GRID1: variants seen among roughly 807,000 people sequenced by gnomAD.
GRID1 encodes the protein glutamate receptor ionotropic, delta-1.
GRID1 carries 28 observed loss-of-function variants against 98.0 expected under a neutral mutation model. The observed-to-expected ratio is 0.29, with a 90% CI of 0.21 to 0.39. The LOEUF is 0.39. Among genes scored for constraint, GRID1 ranks in the 10% least tolerant of loss-of-function variants. GRID1 has a pLI of 1.00. For synonymous variants in GRID1, 553 were observed against 538.5 expected, an observed-to-expected ratio of 1.03 and a Z score of -0.37; for missense variants, 1,111 against 1,340.5, an observed-to-expected ratio of 0.83 and a Z score of 2.67.
intron 12 of GRID1, among the ~76,000 whole-genome samples, chr10:85,658,555 T>C (rs751341596): frequency 7.2e-5 from 11 of 152,168 alleles, no homozygotes; most frequent in Non-Finnish European, 1.2e-4. Flanking sequence ...TATGGTGATA[T>C]TAAGTAGCTC....
chr10:85,918,651 A>G (rs1401236371), intron 4 of GRID1, among the ~76,000 whole-genome samples: 1 of 152,242 alleles, frequency 6.6e-6, no homozygotes, highest in Non-Finnish European at 1.5e-5. Flanking sequence ...GAATTGCTCT[A>G]TGCATCCTCT....
In GRID1 at chr10:85,867,346, G is replaced by A. The variant is rs1843231246; in HGVS notation, c.951+1664C>T. Reference sequence around the variant, plus strand: ...GATTTAGGGCATATGAGGCAAGGGTGCCATGTATTTGGGGAGGGAGGAAGC... The same window carrying A: ...GATTTAGGGCATATGAGGCAAGGGTACCATGTATTTGGGGAGGGAGGAAGC... On this transcript the variant is annotated intron_variant, in intron 6 of 15. Transcript: ENST00000327946. Among the ~76,000 whole-genome samples the A allele has an allele frequency of 2.6e-5, 4 of 152,202 alleles. No individual in the cohort carries two copies. The South Asian group carries it at 8.3e-4, about 32-fold the overall frequency.
intron 2 of GRID1, among the ~76,000 whole-genome samples, chr10:86,278,699 C>G (rs1451309678): frequency 6.6e-6 from 1 of 151,524 alleles, no homozygotes; most frequent in Non-Finnish European, 1.5e-5. Context: ...TTGAAAGACA[C>G]AAACTACTAA....
At chr10:86,061,476 G>A (rs944698130) in intron 4 of GRID1, among the ~76,000 whole-genome samples, 4 of 152,062 alleles carry the variant, frequency 2.6e-5, no homozygotes, top group African/African-American at 9.7e-5. Flanking sequence ...CGTCTGGCTC[G>A]CCCTCTCCAA....
At chr10:86,123,761 T>A (rs1162820118) in intron 4 of GRID1, among the ~76,000 whole-genome samples, 2 of 152,210 alleles carry the variant, frequency 1.3e-5, no homozygotes, top group Non-Finnish European at 2.9e-5. Context: ...GGAGAGTCCT[T>A]GGAGCAGCAA....
At chr10:86,141,185 G>C (rs77052422) in intron 3 of GRID1, among the ~76,000 whole-genome samples, 4,694 of 152,180 alleles carry the variant, frequency 0.031, 112 homozygotes, top group Non-Finnish European at 0.048. Context: ...AGGACAATAT[G>C]GTGCCTTACA....
intron 2 of GRID1, among the ~76,000 whole-genome samples, chr10:86,248,187 T>C (rs1350688041): frequency 6.6e-6 from 1 of 152,194 alleles, no homozygotes; most frequent in African/African-American, 2.4e-5. Flanking sequence ...TGGCTTCAGA[T>C]GGCAAAGGCA....
intron 8 of GRID1, among the ~76,000 whole-genome samples, chr10:85,809,594 G>C (rs1241582984): frequency 6.6e-6 from 1 of 152,210 alleles, no homozygotes; most frequent in Non-Finnish European, 1.5e-5. Flanking sequence ...TGGGTAATTA[G>C]AAAGACCTGC....
At chr10:85,943,663 A>G (rs1432729291) in intron 4 of GRID1, among the ~76,000 whole-genome samples, 1 of 152,214 alleles carries the variant, frequency 6.6e-6, no homozygotes, top group African/African-American at 2.4e-5. Flanking sequence ...GTTCAAACTC[A>G]TGCTGTTCAA....
chr10:85,821,767 C>T (rs996016829), intron 8 of GRID1, among the ~76,000 whole-genome samples: 4 of 152,152 alleles, frequency 2.6e-5, no homozygotes, highest in South Asian at 4.1e-4. Context: ...GGAGGCATCA[C>T]GCTACCTGAC....
intron 12 of GRID1, among the ~76,000 whole-genome samples, chr10:85,680,248 C>A (rs556822017): frequency 6.6e-6 from 1 of 152,302 alleles, no homozygotes; most frequent in South Asian, 2.1e-4. Flanking sequence ...CACCTCCCAC[C>A]AGTGTCCAAC....
At chr10:85,649,924 A>C (rs1273566817) in intron 12 of GRID1, 1 of 152,248 alleles carries the variant, frequency 6.6e-6, no homozygotes, top group East Asian at 1.9e-4. Context: ...AATAGCCACA[A>C]ATTTGTGCAG....
chr10:85,886,139 G>A (rs968651137), intron 5 of GRID1, among the ~76,000 whole-genome samples: 2 of 152,216 alleles, frequency 1.3e-5, no homozygotes, highest in African/African-American at 4.8e-5. Flanking sequence ...ACTTCTGGTT[G>A]TTGAGACATA....
At chr10:85,936,108 G>A (rs1481204320) in intron 4 of GRID1, among the ~76,000 whole-genome samples, 1 of 152,210 alleles carries the variant, frequency 6.6e-6, no homozygotes, top group Non-Finnish European at 1.5e-5. Context: ...GATATTATGG[G>A]ACCACATATT....
At chr10:85,651,604 C>T (rs2132557848) in intron 12 of GRID1, among the ~76,000 whole-genome samples, 1 of 152,316 alleles carries the variant, frequency 6.6e-6, no homozygotes, top group South Asian at 2.1e-4. Flanking sequence ...GACACCAAAA[C>T]TCCTCTGGCA....
intron 2 of GRID1, among the ~76,000 whole-genome samples, chr10:86,283,103 C>T (rs1020471459): frequency 2.6e-5 from 4 of 152,218 alleles, no homozygotes; most frequent in African/African-American, 9.7e-5. Flanking sequence ...CATGTGCCCT[C>T]ATGGCCTGGA....
chr10:86,206,353 G>A lies in GRID1; in HGVS notation c.520+11C>T, dbSNP rs373919198. 1.5e-4 allele frequency: 245 copies of A among 1,581,372 alleles called. No homozygotes were observed. The highest frequency in any genetic ancestry group is 1.9e-4 in the Non-Finnish European group (219 of 1,160,006). The stretch of plus-strand genomic sequence containing the variant: ...CCCAAGCAGCCCCAGCTCGCCTGCC[G>A]GACAACTCACCATACTCGCTGTCGT... On this transcript the variant is annotated intron_variant, in intron 3 of 15. Coordinates refer to ENST00000327946, the MANE Select transcript of GRID1 (RefSeq NM_017551.3). This position sits in a 1 kb window ranked among gnomAD's most constrained non-coding sequence, Gnocchi z 4.1.
At chr10:85,649,941 C>G (rs944182844) in intron 12 of GRID1, 2 of 152,322 alleles carry the variant, frequency 1.3e-5, no homozygotes, top group Non-Finnish European at 1.5e-5. Context: ...GCAGAGGAAT[C>G]TCTCCCATCT....
chr10:85,671,485 T>G (rs535028966), intron 12 of GRID1, among the ~76,000 whole-genome samples: 1 of 152,194 alleles, frequency 6.6e-6, no homozygotes, highest in Admixed American at 6.5e-5. Flanking sequence ...TATAAGATGG[T>G]GAAGTTCATC....
Sources: gnomAD v4.1 joint callset for allele counts (sites outside exome capture counted in the v4.1 genomes callset) on GRCh38, gnomAD v4.1.1 for gene constraint, Gnocchi (gnomAD v3.1) non-coding constraint, MANE v1.5 for transcripts, NCBI Gene and HGNC (gene_info 2026-07-23, HGNC 2026-07-21) for gene names.